Variants in ATXN1 observed in about 807,000 individuals in gnomAD.
The protein encoded by ATXN1 is ataxin 1, also known as ataxin-1.
In ATXN1, 8 loss-of-function variants were observed where a neutral mutation model predicts 56.4. The ratio of observed to expected loss-of-function variants is 0.14; its 90% CI spans 0.08 to 0.26. The LOEUF (loss-of-function observed/expected upper bound fraction) is 0.26, where lower values mean the gene tolerates loss of function less well. Among genes scored for constraint, ATXN1 ranks in the 10% least tolerant of loss-of-function variants. The pLI, the probability that ATXN1 is intolerant of heterozygous loss-of-function variation, is 1.00. For synonymous variants in ATXN1, 514 were observed against 494.6 expected, an observed-to-expected ratio of 1.04 and a Z score of -0.52; for missense variants, 987 against 1,106.5, an observed-to-expected ratio of 0.89 and a Z score of 1.53.
At chr6:16,307,425 T>A (rs1216365640) in intron 7 of ATXN1, among the ~76,000 whole-genome samples, 3 of 152,052 alleles carry the variant, frequency 2.0e-5, no homozygotes, top group African/African-American at 7.2e-5. Context: ...TCCCAGCACT[T>A]TGGGACACCA....
At chr6:16,466,753 G>A (rs1240735723) in intron 6 of ATXN1, among the ~76,000 whole-genome samples, 2 of 152,076 alleles carry the variant, frequency 1.3e-5, no homozygotes, top group Non-Finnish European at 2.9e-5. Context: ...AAATGCTAAC[G>A]GTGGTGAACA....
intron 6 of ATXN1, among the ~76,000 whole-genome samples, chr6:16,347,990 A>C (rs1581705670): frequency 6.6e-6 from 1 of 152,236 alleles, no homozygotes; most frequent in Non-Finnish European, 1.5e-5. Flanking sequence ...TCCTGAAGCC[A>C]GTGAGACCAT....
chr6:16,318,210 A>C (rs1048742005), intron 7 of ATXN1, among the ~76,000 whole-genome samples: 3 of 152,244 alleles, frequency 2.0e-5, no homozygotes, highest in Non-Finnish European at 4.4e-5. Flanking sequence ...CCTTCACAAG[A>C]GTCCCTGTTT....
At chr6:16,755,502 G>A (rs1760859770) in intron 1 of ATXN1, among the ~76,000 whole-genome samples, 1 of 152,020 alleles carries the variant, frequency 6.6e-6, no homozygotes, top group Admixed American at 6.6e-5. Context: ...ACAAAACTGA[G>A]GTAATGGTCA....
At chr6:16,392,861 G>A (rs9464899) in intron 6 of ATXN1, among the ~76,000 whole-genome samples, 20,731 of 152,134 alleles carry the variant, frequency 0.14, 1,600 homozygotes, top group African/African-American at 0.21. Flanking sequence ...CAGGGAAAGC[G>A]GCATCATGAT....
At position 16,327,900 on chromosome 6, in the gene ATXN1, T is replaced by C. The variant is rs754787871; in HGVS notation, c.411A>G (p.Gly137=). The change falls in exon 7 of 8, where the codon GGA becomes GGG. Residue 137 remains glycine, a synonymous_variant. Coordinates refer to ENST00000436367, the MANE Select transcript of ATXN1 (RefSeq NM_001128164.2). ...GTGATGGGATGAAGCTGGCATAGGT[T>C]CCACTGTATTGGGAGGACCCAATGA... is the stretch of plus-strand genomic sequence containing the variant. ...FQFIGSSQYS[G]TYASFIPSQL... 1.2e-6 allele frequency: 2 copies of C among 1,608,380 alleles called. No homozygotes were observed. Among genetic ancestry groups the C allele is most frequent in the Non-Finnish European group, 1.7e-6 (2 of 1,179,856 alleles).
intron 6 of ATXN1, among the ~76,000 whole-genome samples, chr6:16,340,372 T>C (rs568898116): frequency 1.3e-5 from 2 of 152,336 alleles, no homozygotes; most frequent in Non-Finnish European, 2.9e-5. Flanking sequence ...ATGCTGAGGT[T>C]CGCGTGAGCT....
intron 6 of ATXN1, among the ~76,000 whole-genome samples, chr6:16,462,992 AC>A (rs1350495554): frequency 6.6e-6 from 1 of 151,894 alleles, no homozygotes; most frequent in Non-Finnish European, 1.5e-5. Context: ...CACCCCCACC[AC>A]TAAGGAATAC....
intron 3 of ATXN1, among the ~76,000 whole-genome samples, chr6:16,586,279 G>C (rs919224460): frequency 2.0e-5 from 3 of 152,128 alleles, no homozygotes; most frequent in Non-Finnish European, 2.9e-5. Flanking sequence ...GTTCTTCATA[G>C]AAAATGTCAG....
chr6:16,711,015 T>A (rs563887050), intron 2 of ATXN1, among the ~76,000 whole-genome samples: 1 of 152,312 alleles, frequency 6.6e-6, no homozygotes, highest in East Asian at 1.9e-4. Context: ...CCCAAGGTGC[T>A]GGGATTACAG....
At chr6:16,371,325 T>C (rs1358450567) in intron 6 of ATXN1, among the ~76,000 whole-genome samples, 4 of 152,106 alleles carry the variant, frequency 2.6e-5, no homozygotes, top group African/African-American at 9.7e-5. Flanking sequence ...TTTTTTTTTT[T>C]TTTGCTTTTC....
intron 6 of ATXN1, among the ~76,000 whole-genome samples, chr6:16,329,024 A>C (rs115818721): frequency 0.015 from 2,309 of 152,282 alleles, 32 homozygotes; most frequent in Middle Eastern, 0.027. Context: ...GCAAGTGAAC[A>C]CTGTAACACA....
At chr6:16,401,611 C>T (rs752696055) in intron 6 of ATXN1, among the ~76,000 whole-genome samples, 5 of 147,426 alleles carry the variant, frequency 3.4e-5, no homozygotes, top group Non-Finnish European at 7.4e-5. Flanking sequence ...CAGATTTTGC[C>T]TCCATTGGGA....
intron 6 of ATXN1, among the ~76,000 whole-genome samples, chr6:16,409,274 C>T (rs926684864): frequency 1.3e-5 from 2 of 150,802 alleles, no homozygotes; most frequent in African/African-American, 4.9e-5. Flanking sequence ...ATTGCCTTAG[C>T]GTCTGTCCTC....
intron 3 of ATXN1, among the ~76,000 whole-genome samples, chr6:16,649,710 A>G (rs1763861396): frequency 1.3e-5 from 2 of 152,300 alleles, no homozygotes; most frequent in South Asian, 4.1e-4. Flanking sequence ...CTTATCCAAA[A>G]ACATTTTTAA....
intron 6 of ATXN1, among the ~76,000 whole-genome samples, chr6:16,348,648 T>A (rs1761495717): frequency 6.6e-6 from 1 of 152,030 alleles, no homozygotes; most frequent in Admixed American, 6.6e-5. Context: ...CGAACCAAGA[T>A]TGTACCATTG....
chr6:16,705,927 G>C (rs1759396776), intron 2 of ATXN1, among the ~76,000 whole-genome samples: 1 of 151,898 alleles, frequency 6.6e-6, no homozygotes, highest in East Asian at 1.9e-4. Flanking sequence ...TACAGTCCTT[G>C]AATGGGTCTA....
chr6:16,557,291 C>T (rs1326087358), intron 4 of ATXN1, among the ~76,000 whole-genome samples: 3 of 135,814 alleles, frequency 2.2e-5, no homozygotes, highest in Non-Finnish European at 4.6e-5. Context: ...TGTGCCACTG[C>T]ACTTTAGCCT....
intron 2 of ATXN1, among the ~76,000 whole-genome samples, chr6:16,713,378 A>T (rs1213873944): frequency 6.6e-6 from 1 of 152,212 alleles, no homozygotes. Context: ...ACAAAGCCAA[A>T]GGACGCCATT....
Sources: allele counts gnomAD v4.1 joint callset (sites outside exome capture counted in the v4.1 genomes callset), GRCh38; gene constraint gnomAD v4.1.1; transcripts MANE v1.5; gene names NCBI Gene and HGNC (gene_info 2026-07-23, HGNC 2026-07-21).